The following NRG1 variants were observed in gnomAD, a reference collection of about 807,000 sequenced individuals.
NRG1 encodes the protein neuregulin 1, also known as pro-neuregulin-1, membrane-bound isoform.
In NRG1, 18 loss-of-function variants were observed where a neutral mutation model predicts 63.8. The ratio of observed to expected loss-of-function variants is 0.28; its 90% confidence interval spans 0.19 to 0.42. The LOEUF is 0.42. Ranked by LOEUF, NRG1 falls within the 10% of genes least tolerant of loss-of-function variation. NRG1 has a pLI of 1.00. For synonymous variants in NRG1, 302 were observed against 301.3 expected (o/e 1.00, Z -0.02); for missense variants, 762 against 814.7 (o/e 0.94, Z 0.79).
intron 1 of NRG1, among the ~76,000 whole-genome samples, chr8:32,506,786 G>A (rs1049429297): frequency 5.3e-5 from 8 of 151,926 alleles, no homozygotes; most frequent in East Asian, 1.9e-4. Flanking sequence ...AGGCTGATGC[G>A]GGAGGATCAC....
At chr8:32,585,437 T>G (rs940830253) in intron 1 of NRG1, among the ~76,000 whole-genome samples, 3 of 152,140 alleles carry the variant, frequency 2.0e-5, no homozygotes, top group Admixed American at 1.3e-4. Context: ...ACACTTACCT[T>G]CCAGCTGCTG....
At chr8:32,730,602 A>G (rs1211467915) in intron 6 of NRG1, among the ~76,000 whole-genome samples, 1 of 152,220 alleles carries the variant, frequency 6.6e-6, no homozygotes, top group Admixed American at 6.5e-5. Context: ...TCAAATCTAT[A>G]TGCTTGCAGC....
At chr8:32,718,783 T>C (rs1489559065) in intron 5 of NRG1, among the ~76,000 whole-genome samples, 1 of 152,184 alleles carries the variant, frequency 6.6e-6, no homozygotes, top group African/African-American at 2.4e-5. Flanking sequence ...ACCTTCTTAA[T>C]ATATGACTCT....
At chr8:31,784,114 G>A (rs557992959) in intron 1 of NRG1, among the ~76,000 whole-genome samples, 1 of 152,076 alleles carries the variant, frequency 6.6e-6, no homozygotes, top group Admixed American at 6.6e-5. Context: ...TAATGACTGT[G>A]CTGTACTCAT....
intron 1 of NRG1, among the ~76,000 whole-genome samples, chr8:31,828,738 G>A (rs557471640): frequency 3.3e-5 from 5 of 152,172 alleles, no homozygotes; most frequent in Admixed American, 3.3e-4. Context: ...TATTTGCAGG[G>A]CAAACTCTCT....
chr8:31,667,385 G>C (rs1266912854), intron 1 of NRG1, among the ~76,000 whole-genome samples: 4 of 152,180 alleles, frequency 2.6e-5, no homozygotes. Context: ...TGTAGTGCTA[G>C]TATATGCCAA....
chr8:32,086,064 G>C (rs113535862), intron 1 of NRG1, among the ~76,000 whole-genome samples: 12 of 152,310 alleles, frequency 7.9e-5, no homozygotes, highest in African/African-American at 2.9e-4. Context: ...ATTTCTGAGA[G>C]TCACAAGGGT....
At chr8:32,203,877 A>C (rs1215965607) in intron 1 of NRG1, among the ~76,000 whole-genome samples, 1 of 152,212 alleles carries the variant, frequency 6.6e-6, no homozygotes, top group African/African-American at 2.4e-5. Context: ...GGATCCAGTA[A>C]TACCCATGGA....
exon 1 of NRG1, chr8:31,639,424 C>T (rs1295257049): frequency 6.5e-7 from 1 of 1,534,924 alleles, no homozygotes; most frequent in South Asian, 1.2e-5. Context: ...GCCGAGTTGG[C>T]ACCACAGGTA....
intron 1 of NRG1, among the ~76,000 whole-genome samples, chr8:32,196,320 T>C (rs1484301707): frequency 6.6e-6 from 1 of 152,046 alleles, no homozygotes; most frequent in Non-Finnish European, 1.5e-5. Flanking sequence ...GTAGAGGAAA[T>C]CATGCAAGTA....
chr8:32,173,301 G>T (rs1482082499), intron 1 of NRG1, among the ~76,000 whole-genome samples: 1 of 152,120 alleles, frequency 6.6e-6, no homozygotes, highest in African/African-American at 2.4e-5. Flanking sequence ...GAGAGATTTT[G>T]TCACCACCAG....
chr8:32,563,139 C>T (rs1836770559), intron 1 of NRG1, among the ~76,000 whole-genome samples: 1 of 152,036 alleles, frequency 6.6e-6, no homozygotes, highest in African/African-American at 2.4e-5. Context: ...TTATTTTTTC[C>T]AGTTCATCAG....
intron 1 of NRG1, among the ~76,000 whole-genome samples, chr8:31,983,306 C>T (rs1274642400): frequency 1.3e-5 from 2 of 152,040 alleles, no homozygotes; most frequent in African/African-American, 4.8e-5. Context: ...TTATAAAGGA[C>T]ATAACTAGTA....
chr8:31,685,122 A>G (rs1324886103), intron 1 of NRG1, among the ~76,000 whole-genome samples: 2 of 152,172 alleles, frequency 1.3e-5, no homozygotes, highest in African/African-American at 2.4e-5. Flanking sequence ...TTAAAAATGT[A>G]GTCGATGCTG....
intron 1 of NRG1, chr8:32,287,581 T>C (rs1220616289): frequency 1.3e-5 from 2 of 152,220 alleles, no homozygotes; most frequent in African/African-American, 4.8e-5. Context: ...TTGGACCTTA[T>C]ACAAAACCCA....
chr8:31,887,408 C>T (rs1830804358), intron 1 of NRG1, among the ~76,000 whole-genome samples: 1 of 152,004 alleles, frequency 6.6e-6, no homozygotes, highest in South Asian at 2.1e-4. Flanking sequence ...ATTATTTGAG[C>T]TTTATTTCCC....
chr8:32,713,536 C>T (rs902398917), intron 5 of NRG1, among the ~76,000 whole-genome samples: 1 of 151,170 alleles, frequency 6.6e-6, no homozygotes, highest in African/African-American at 2.4e-5. Flanking sequence ...CCTGCCTGCT[C>T]TCTCCTTTTC....
At chr8:32,368,176 G>A (rs4454244) in intron 1 of NRG1, among the ~76,000 whole-genome samples, 8,766 of 152,228 alleles carry the variant, frequency 0.058, 325 homozygotes, top group Middle Eastern at 0.099. Context: ...AAAGAAAAAA[G>A]TGCAAAAGTT....
intron 5 of NRG1, chr8:32,647,077 C>T: frequency 1.0e-6 from 1 of 985,294 alleles, no homozygotes; most frequent in Non-Finnish European, 1.2e-6. Context: ...AGTGACCGCC[C>T]CTCCTGGCTG....
Sources: allele counts gnomAD v4.1 joint callset (sites outside exome capture counted in the v4.1 genomes callset), GRCh38; gene constraint gnomAD v4.1.1; transcripts MANE v1.5; gene names NCBI Gene and HGNC (gene_info 2026-07-23, HGNC 2026-07-21).